AP1AR: variants seen among roughly 807,000 people sequenced by gnomAD.
AP1AR encodes AP-1 complex-associated regulatory protein.
Under a neutral mutation model 46.3 loss-of-function variants are expected in AP1AR, and 29 were observed. That is an observed-to-expected ratio of 0.63 (90% CI 0.47 to 0.85). The LOEUF (loss-of-function observed/expected upper bound fraction) is 0.85, where lower values mean the gene tolerates loss of function less well. Among genes scored for constraint, AP1AR ranks in the 40% least tolerant of loss-of-function variants. AP1AR has a pLI of 0.00. For missense variants in AP1AR, 357 were observed against 356.3 expected (o/e 1.00, Z -0.02); for synonymous variants, 122 against 122.9 (o/e 0.99, Z 0.05).
Position 112,268,165 on chromosome 4 carries a change from T to C in AP1AR, c.665T>C (p.Met222Thr), listed in dbSNP as rs1338582491. Residue 222 changes from methionine to threonine, a missense_variant, in exon 10 of 10, where the codon ATG (methionine) becomes ACG (threonine). Physicochemically the swap from Met to Thr is moderately conservative, Grantham distance 81. Coordinates refer to ENST00000274000, the MANE Select transcript of AP1AR (RefSeq NM_018569.6). ...ATAGGAATGAATAGAATGCTTCCAA[T>C]GAGAGAACGTTCCAAAACAGAGGAA... ...DEEGMNRMLPMRERSKTEEDI... is the reference protein window; with the variant it reads ...DEEGMNRMLPTRERSKTEEDI... 1 of 1,579,798 alleles carries C rather than the reference T, an allele frequency of 6.3e-7. No homozygotes were observed. Among genetic ancestry groups the C allele is most frequent in the Non-Finnish European group, 8.6e-7 (1 of 1,163,780 alleles).
intron 1 of AP1AR, among the ~76,000 whole-genome samples, chr4:112,250,212 T>C (rs1336018550): frequency 2.0e-5 from 3 of 152,158 alleles, no homozygotes; most frequent in Admixed American, 2.0e-4. Flanking sequence ...AGAACAAAAC[T>C]GAAGGAAAGA....
intron 6 of AP1AR, among the ~76,000 whole-genome samples, 173 bp from the exon 7 acceptor site, chr4:112,264,836 A>T (rs1322048857): frequency 6.6e-6 from 1 of 152,094 alleles, no homozygotes; most frequent in East Asian, 1.9e-4. Flanking sequence ...AATTCTTCCC[A>T]TAAATAAGGG....
At chr4:112,254,579 G>A (rs1306522341) in intron 2 of AP1AR, among the ~76,000 whole-genome samples, 168 bp from the exon 3 acceptor site, 2 of 152,068 alleles carry the variant, frequency 1.3e-5, no homozygotes, top group Admixed American at 6.5e-5. Context: ...CATTTTGTAG[G>A]ACTGTTAAAT....
rs1323790828 is a variant in AP1AR at position 112,268,775 on chromosome 4, A to C, written c.*366A>C. 6.2e-6 allele frequency: 1 copy of C among 160,728 alleles called. No individual in the cohort carries two copies. The highest frequency in any genetic ancestry group is 6.4e-5 in the Admixed American group (1 of 15,536). 10.0% of individuals were successfully genotyped at this position (160,728 alleles called of 1,614,324 possible). A position where few individuals can be genotyped will look rare whatever the true frequency, so the allele number is the denominator to read the frequency against. On this transcript the variant is annotated 3_prime_UTR_variant, in exon 10 of 10. Transcript: ENST00000274000. ...CCTATTTCATTGTCTAACTATGAAA[A>C]TATTAAGACTTTTTTGTTAATTCTC...
At chr4:112,265,461 A>G (rs951827635) in intron 7 of AP1AR, 2 of 399,480 alleles carry the variant, frequency 5.0e-6, no homozygotes, top group African/African-American at 4.2e-5. Context: ...CTACTCATTC[A>G]AAGAATATTG....
At position 112,271,825 on chromosome 4, in the gene AP1AR, T is replaced by C. The variant is rs920347754; in HGVS notation, c.*3416T>C. On this transcript the variant is annotated 3_prime_UTR_variant, in exon 10 of 10. Transcript: ENST00000274000. ...TAGGTTCAAGTTTGGGAGTCATTAGTAGGAAAATGGTATTTTAAGTCATTA... is the reference window on the plus strand; with the variant it reads ...TAGGTTCAAGTTTGGGAGTCATTAGCAGGAAAATGGTATTTTAAGTCATTA... Among the ~76,000 whole-genome samples, 1 of 152,188 alleles carries C rather than the reference T, an allele frequency of 6.6e-6. No homozygotes were observed. The highest frequency in any genetic ancestry group is 2.4e-5 in the African/African-American group (1 of 41,440).
intron 5 of AP1AR, among the ~76,000 whole-genome samples, chr4:112,262,631 C>T (rs752400920): frequency 6.6e-6 from 1 of 152,106 alleles, no homozygotes; most frequent in African/African-American, 2.4e-5. Context: ...CTTAAAGATA[C>T]TGGATTTATG....
intron 1 of AP1AR, among the ~76,000 whole-genome samples, chr4:112,242,975 T>A (rs1484541142): frequency 6.6e-6 from 1 of 152,204 alleles, no homozygotes; most frequent in African/African-American, 2.4e-5. Flanking sequence ...TTTCTTTAAA[T>A]CATTGTTTTT....
Position 112,253,214 on chromosome 4 carries a change from G to A in AP1AR, c.90G>A (p.Lys30=). ...ATTCTGTTTTCCTTCCCAGATCCAA[G>A]TATTTTAGAACATGCTCAAGAGGTG... is the stretch of plus-strand genomic sequence containing the variant. ...LQRVGGGGGS[K]YFRTCSRGEH... The change falls in exon 2 of 10, where the codon AAG becomes AAA. Residue 30 remains lysine (K), a synonymous_variant. Transcript: ENST00000274000. The A allele has an allele frequency of 4.3e-6, 7 of 1,609,378 alleles. No individual in the cohort carries two copies. Among genetic ancestry groups the A allele is most frequent in the Non-Finnish European group, 5.9e-6 (7 of 1,177,982 alleles).
intron 6 of AP1AR, among the ~76,000 whole-genome samples, chr4:112,264,105 T>C (rs1726571370): frequency 6.6e-6 from 1 of 152,234 alleles, no homozygotes; most frequent in Non-Finnish European, 1.5e-5. Context: ...TCTGCTGTTT[T>C]AGCAGATTAT....
chr4:112,257,172 G>A (rs955778080), intron 3 of AP1AR, among the ~76,000 whole-genome samples: 1 of 152,152 alleles, frequency 6.6e-6, no homozygotes, highest in South Asian at 2.1e-4. Flanking sequence ...TGCAAACAGT[G>A]TGGCATTAAA....
chr4:112,233,252 C>A (rs1036168784), intron 1 of AP1AR, among the ~76,000 whole-genome samples: 8 of 152,094 alleles, frequency 5.3e-5, no homozygotes, highest in Admixed American at 4.6e-4. Flanking sequence ...ATAGGATTCT[C>A]ATTCATTAAT....
At position 112,268,961 on chromosome 4, in the gene AP1AR, G is replaced by T. The variant is rs1276534879; in HGVS notation, c.*552G>T. 1 of 151,526 alleles carries T rather than the reference G, an allele frequency of 6.6e-6. No individual in the cohort carries two copies. The highest frequency in any genetic ancestry group is 1.5e-5 in the Non-Finnish European group (1 of 67,776). 9.4% of individuals were successfully genotyped at this position (151,526 alleles called of 1,614,324 possible). A position where few individuals can be genotyped will look rare whatever the true frequency, so the allele number is the denominator to read the frequency against. ...TGACTCTAAGAAATGCTGAAGTATC[G>T]GCATTACATGTGTTTATTTACATGT... On this transcript the variant is annotated 3_prime_UTR_variant, in exon 10 of 10. Coordinates refer to ENST00000274000, the MANE Select transcript of AP1AR (RefSeq NM_018569.6).
intron 1 of AP1AR, among the ~76,000 whole-genome samples, chr4:112,246,594 T>A (rs1205369390): frequency 6.6e-6 from 1 of 152,186 alleles, no homozygotes; most frequent in Non-Finnish European, 1.5e-5. Flanking sequence ...ACCTCTTGGG[T>A]CAGGTGAGAA....
At chr4:112,254,984 G>A (rs543740153) in intron 3 of AP1AR, 21 of 266,262 alleles carry the variant, frequency 7.9e-5, no homozygotes, top group Middle Eastern at 1.1e-3. Context: ...TTCTTGAGAC[G>A]GAGTCTCGCT....
chr4:112,245,104 T>A (rs1240080619), intron 1 of AP1AR, among the ~76,000 whole-genome samples: 3 of 152,170 alleles, frequency 2.0e-5, no homozygotes, highest in African/African-American at 7.2e-5. Context: ...AAGCAGTTAC[T>A]ATTGAAAATA....
At chr4:112,264,332 A>C (rs1726581225) in intron 6 of AP1AR, among the ~76,000 whole-genome samples, 2 of 152,124 alleles carry the variant, frequency 1.3e-5, no homozygotes, top group East Asian at 3.8e-4. Flanking sequence ...CCCTGGTTTA[A>C]ATATTTGATG....
intron 1 of AP1AR, among the ~76,000 whole-genome samples, chr4:112,248,302 G>A (rs1725806689): frequency 6.6e-6 from 1 of 152,098 alleles, no homozygotes; most frequent in South Asian, 2.1e-4. Context: ...TGGGGCTTTT[G>A]TTTGATTCTG....
Position 112,253,264 on chromosome 4 carries a change from G to A in AP1AR, c.132+8G>A. 6.2e-7 allele frequency: 1 copy of A among 1,605,254 alleles called. No individual in the cohort carries two copies. Among genetic ancestry groups the A allele is most frequent in the Non-Finnish European group, 8.5e-7 (1 of 1,174,804 alleles). On this transcript the variant is annotated splice_region_variant and intron_variant, in intron 2 of 9. Coordinates refer to ENST00000274000, the MANE Select transcript of AP1AR (RefSeq NM_018569.6). The stretch of plus-strand genomic sequence containing the variant: ...GAGCACTTAACAATAGAGGTAAGTA[G>A]TCCTTAATTTGATTGAATTAAAAAT...
Sources: gnomAD v4.1 joint callset for allele counts (sites outside exome capture counted in the v4.1 genomes callset) on GRCh38, gnomAD v4.1.1 for gene constraint, MANE v1.5 for transcripts, NCBI Gene and HGNC (gene_info 2026-07-23, HGNC 2026-07-21) for gene names.